DCC: variants seen among roughly 807,000 people sequenced by gnomAD.
The protein encoded by DCC is DCC netrin 1 receptor, also known as netrin receptor DCC.
A neutral mutation model predicts 172.5 loss-of-function variants in DCC; 58 were observed. That is an observed-to-expected ratio of 0.34 (90% CI 0.27 to 0.42). The LOEUF (loss-of-function observed/expected upper bound fraction) is 0.42. DCC is among the 10% of genes least tolerant of loss of function. The pLI, the probability that DCC is intolerant of heterozygous loss-of-function variation, is 1.00. For synonymous variants in DCC, 709 were observed against 644.5 expected, an observed-to-expected ratio of 1.10 and a Z score of -1.52; for missense variants, 1,740 against 1,791.0, an observed-to-expected ratio of 0.97 and a Z score of 0.51.
chr18:53,270,043 T>C (rs994593648), intron 12 of DCC, among the ~76,000 whole-genome samples: 7 of 152,104 alleles, frequency 4.6e-5, no homozygotes, highest in Admixed American at 6.6e-5. Context: ...GGCTGCTCCA[T>C]TGGGCTGTTT....
chr18:53,172,296 A>T (rs1027767896), intron 8 of DCC, among the ~76,000 whole-genome samples: 1 of 152,148 alleles, frequency 6.6e-6, no homozygotes, highest in African/African-American at 2.4e-5. Flanking sequence ...TATAGATGGC[A>T]ACAGTAGACA....
At chr18:52,772,957 G>A (rs1407489794) in intron 2 of DCC, among the ~76,000 whole-genome samples, 1 of 152,160 alleles carries the variant, frequency 6.6e-6, no homozygotes, top group East Asian at 1.9e-4. Context: ...AAATTGTTTG[G>A]TTGTTTGGCA....
In DCC at chr18:52,360,521, C is replaced by T. The variant is rs141322310; in HGVS notation, c.91+19643C>T. Among the ~76,000 whole-genome samples, 1,178 of 152,262 alleles carry T rather than the reference C, an allele frequency of 7.7e-3. 7 individuals carry two copies. Among genetic ancestry groups the T allele is most frequent in the Non-Finnish European group, 0.012 (831 of 68,038 alleles). The stretch of plus-strand genomic sequence containing the variant: ...GCTATGTCTTCATTAAAATAGGAGA[C>T]GGTAATAATGCAACCATGTAGCGTG... On this transcript the variant is annotated intron_variant, in intron 1 of 28. Coordinates refer to ENST00000442544, the MANE Select transcript of DCC (RefSeq NM_005215.4).
chr18:53,245,267 T>A (rs1321650009), intron 12 of DCC, among the ~76,000 whole-genome samples: 3 of 152,162 alleles, frequency 2.0e-5, no homozygotes, highest in African/African-American at 7.2e-5. Context: ...GTGACTCAGG[T>A]ATAATTTTAT....
At chr18:52,416,074 C>G (rs905420334) in intron 1 of DCC, among the ~76,000 whole-genome samples, 2 of 151,868 alleles carry the variant, frequency 1.3e-5, no homozygotes, top group Middle Eastern at 3.2e-3. Context: ...TATGTTGTGT[C>G]TTTGTTCTCG....
chr18:53,241,631 G>A (rs1333768174), intron 12 of DCC, among the ~76,000 whole-genome samples: 1 of 152,176 alleles, frequency 6.6e-6, no homozygotes, highest in African/African-American at 2.4e-5. Context: ...AGGTACCTCT[G>A]CTTGAAGGCC....
At chr18:52,538,752 T>C (rs1438361973) in intron 1 of DCC, among the ~76,000 whole-genome samples, 6 of 152,214 alleles carry the variant, frequency 3.9e-5, no homozygotes, top group Non-Finnish European at 1.5e-5. Flanking sequence ...CTCTCTAGTG[T>C]TTTCTTACAA....
chr18:52,796,300 T>C (rs1020192615), intron 2 of DCC, among the ~76,000 whole-genome samples: 39 of 152,216 alleles, frequency 2.6e-4, no homozygotes, highest in East Asian at 2.3e-3. Flanking sequence ...CTGGGTGTTT[T>C]ATATACCATT....
At chr18:52,377,963 G>C (rs1256905143) in intron 1 of DCC, among the ~76,000 whole-genome samples, 1 of 152,020 alleles carries the variant, frequency 6.6e-6, no homozygotes, top group Non-Finnish European at 1.5e-5. Context: ...GCCTCCCAAA[G>C]TGCTAGGATT....
chr18:52,383,649 C>T (rs1985678555), intron 1 of DCC, among the ~76,000 whole-genome samples: 1 of 151,690 alleles, frequency 6.6e-6, no homozygotes, highest in Non-Finnish European at 1.5e-5. Context: ...TTTATGATTT[C>T]ATTCATGAAT....
chr18:53,342,057 A>G (rs1442726467), intron 15 of DCC, among the ~76,000 whole-genome samples: 1 of 152,100 alleles, frequency 6.6e-6, no homozygotes, highest in East Asian at 1.9e-4. Context: ...AGGGTCAGCC[A>G]TAACTTCAAG....
At chr18:52,472,840 G>A (rs1430866542) in intron 1 of DCC, among the ~76,000 whole-genome samples, 1 of 152,188 alleles carries the variant, frequency 6.6e-6, no homozygotes. Context: ...TAAGGGGTTT[G>A]AGGCTGCAGT....
intron 1 of DCC, among the ~76,000 whole-genome samples, chr18:52,442,998 T>A (rs1000386362): frequency 6.6e-6 from 1 of 150,772 alleles, no homozygotes; most frequent in Non-Finnish European, 1.5e-5. Flanking sequence ...TCCTTAACTT[T>A]CTTTCTATTT....
chr18:52,367,865 C>A (rs940643952), intron 1 of DCC, among the ~76,000 whole-genome samples: 4 of 152,200 alleles, frequency 2.6e-5, no homozygotes, highest in African/African-American at 9.7e-5. Flanking sequence ...TATAGGTATT[C>A]TTTCTGCAAT....
intron 12 of DCC, among the ~76,000 whole-genome samples, chr18:53,272,078 A>C (rs1435442118): frequency 3.9e-5 from 6 of 152,142 alleles, no homozygotes; most frequent in African/African-American, 1.4e-4. Context: ...GTCCTTCATT[A>C]GAGGGTTAAG....
In DCC at chr18:53,251,388, T is replaced by A. The variant is rs573812351; in HGVS notation, c.1911+35791T>A. On this transcript the variant is annotated intron_variant, in intron 12 of 28. Transcript: ENST00000442544. The stretch of plus-strand genomic sequence containing the variant: ...CTCCGCTCACTTTTGTATTTCTTTA[T>A]CTTTAAATTAGAATTAAGCCATTTA... Among the ~76,000 whole-genome samples, 3 of 152,090 alleles carry A rather than the reference T, an allele frequency of 2.0e-5. No homozygotes were observed. In the East Asian group the frequency reaches 5.8e-4, roughly 29 times the overall value.
chr18:53,040,759 G>A (rs11874663), intron 5 of DCC, among the ~76,000 whole-genome samples: 16,513 of 151,898 alleles, frequency 0.11, 1,181 homozygotes, highest in Non-Finnish European at 0.16. Flanking sequence ...ATCAAGGAAC[G>A]AGTAACTCTG....
chr18:52,956,566 G>A (rs1389300300), intron 5 of DCC, among the ~76,000 whole-genome samples: 3 of 151,834 alleles, frequency 2.0e-5, no homozygotes, highest in Non-Finnish European at 4.4e-5. Flanking sequence ...TAAATATTAG[G>A]TTTGCTATTC....
At chr18:53,163,800 A>C (rs1453803092) in intron 8 of DCC, among the ~76,000 whole-genome samples, 1 of 152,186 alleles carries the variant, frequency 6.6e-6, no homozygotes, top group Admixed American at 6.6e-5. Context: ...GATCTTTGAG[A>C]TCATAGTCTA....
Sources: allele counts gnomAD v4.1 joint callset (sites outside exome capture counted in the v4.1 genomes callset), GRCh38; gene constraint gnomAD v4.1.1; transcripts MANE v1.5; gene names NCBI Gene and HGNC (gene_info 2026-07-23, HGNC 2026-07-21).